Variants in CWF19L2 observed in about 807,000 individuals in gnomAD.
CWF19L2 encodes CWF19 like cell cycle control factor 2, also known as CWF19-like protein 2.
CWF19L2 carries 98 observed loss-of-function variants against 111.7 expected under a neutral mutation model. That is an observed-to-expected ratio of 0.88 (90% CI 0.75 to 1.04). The LOEUF is 1.04. CWF19L2 is among the 50% of genes least tolerant of loss of function. The probability of loss-of-function intolerance (pLI) is 0.00; values close to 1 mark genes in which losing one functional copy is unlikely to be tolerated. For synonymous variants in CWF19L2, 351 were observed against 342.9 expected, an observed-to-expected ratio of 1.02 and a Z score of -0.26; for missense variants, 1,101 against 1,051.4, an observed-to-expected ratio of 1.05 and a Z score of -0.65.
chr11:107,433,882 A>ATATT (rs1861501991), intron 6 of CWF19L2, 133 bp from the exon 7 acceptor site: 1 of 11,958 alleles, frequency 8.4e-5, no homozygotes, highest in Non-Finnish European at 1.5e-4. Flanking sequence ...TTGGAATTTT[A>ATATT]TATATATATA....
chr11:107,387,748 G>C (rs1456894169), intron 12 of CWF19L2, among the ~76,000 whole-genome samples: 6 of 152,166 alleles, frequency 3.9e-5, no homozygotes, highest in African/African-American at 1.2e-4. Flanking sequence ...TAGGGTTCAT[G>C]CTCCTATGAG....
intron 12 of CWF19L2, among the ~76,000 whole-genome samples, chr11:107,362,255 C>T (rs1179577655): frequency 6.6e-6 from 1 of 152,134 alleles, no homozygotes; most frequent in Admixed American, 6.5e-5. Flanking sequence ...GAAGGGGCGC[C>T]CGCCATTGCC....
chr11:107,363,415 C>T (rs1457096152), intron 12 of CWF19L2, among the ~76,000 whole-genome samples: 1 of 151,954 alleles, frequency 6.6e-6, no homozygotes. Context: ...TTAAGGGCAG[C>T]CAGAGAGAAA....
chr11:107,336,682 T>A lies in CWF19L2; in HGVS notation c.2234A>T (p.Glu745Val), dbSNP rs991047849. 27 of 1,529,470 alleles carry A rather than the reference T, an allele frequency of 1.8e-5. No individual in the cohort carries two copies. The highest frequency in any genetic ancestry group is 2.3e-5 in the Non-Finnish European group (26 of 1,128,458). 94.7% of individuals were successfully genotyped at this position (1,529,470 alleles called of 1,614,324 possible). Residue 745 changes from glutamate (E) to valine (V), a missense_variant, in exon 15 of 18, where the codon GAA becomes GTA. Coordinates refer to ENST00000282251, the MANE Select transcript of CWF19L2 (RefSeq NM_152434.3). ...AAAAATGCAGTCTAATCCTTTATCT[T>A]CAAACATCTTTACCAATGATTTTCT... ...MFRKSLVKMFEDKGLDCIFLE... is the reference protein window; with the variant it reads ...MFRKSLVKMFVDKGLDCIFLE...
rs1482124194 is a variant in CWF19L2, at chr11:107,442,862, G to A, written c.450+77C>T. On this transcript the variant is annotated intron_variant, in intron 4 of 17. Transcript: ENST00000282251. ...GGACAGAGAGGGAGGGAGGGATAGA[G>A]AGGGAAGGAGGGAGGGAGGGAGGAA... 4.1e-6 allele frequency: 3 copies of A among 726,638 alleles called. No individual in the cohort carries two copies. The African/African-American group carries it at 7.1e-5, about 17-fold the overall frequency. 45.0% of individuals were successfully genotyped at this position (726,638 alleles called of 1,614,324 possible).
chr11:107,451,597 G>A lies in CWF19L2; in HGVS notation c.339+2853C>T, dbSNP rs755998677. Among the ~76,000 whole-genome samples, 141 of 152,116 alleles carry A rather than the reference G, an allele frequency of 9.3e-4. 2 individuals are homozygous for A. Among genetic ancestry groups the A allele is most frequent in the Non-Finnish European group, 1.7e-3 (118 of 67,990 alleles). On this transcript the variant is annotated intron_variant, in intron 3 of 17. Coordinates refer to ENST00000282251, the MANE Select transcript of CWF19L2 (RefSeq NM_152434.3). ...AATAGAAATTACCAAAATCAGGGATGAAAGAGGGGTATCACTATGGATTCC... is the reference window on the plus strand; with the variant it reads ...AATAGAAATTACCAAAATCAGGGATAAAAGAGGGGTATCACTATGGATTCC...
chr11:107,381,006 T>C (rs1290596020), intron 12 of CWF19L2, among the ~76,000 whole-genome samples: 5 of 152,178 alleles, frequency 3.3e-5, no homozygotes, highest in Admixed American at 6.5e-5. Context: ...ATTAATTACC[T>C]AGAACAGGCA....
chr11:107,345,467 T>C (rs747736107), intron 14 of CWF19L2: 11 of 459,274 alleles, frequency 2.4e-5, no homozygotes, highest in South Asian at 1.1e-4. Context: ...GGCTTAATTA[T>C]TGGATGACTG....
chr11:107,392,949 T>C (rs911563873), intron 10 of CWF19L2, 54 bp from the exon 11 acceptor site: 1 of 1,121,570 alleles, frequency 8.9e-7, no homozygotes, highest in Admixed American at 2.7e-5. Context: ...ATGTTGAATG[T>C]TTTTATTTAA....
chr11:107,415,163 C>T (rs1273881421), intron 10 of CWF19L2, among the ~76,000 whole-genome samples: 2 of 152,302 alleles, frequency 1.3e-5, no homozygotes, highest in East Asian at 1.9e-4. Context: ...ACACCAGTCT[C>T]GTTGCTATTC....
intron 14 of CWF19L2, among the ~76,000 whole-genome samples, chr11:107,337,355 G>T (rs906719757): frequency 6.7e-6 from 1 of 149,016 alleles, no homozygotes; most frequent in African/African-American, 2.5e-5. Context: ...ATCAGTTGTG[G>T]AGGTGTGTGT....
At chr11:107,404,528 C>T in intron 10 of CWF19L2, 1 of 696,322 alleles carries the variant, frequency 1.4e-6, no homozygotes. Flanking sequence ...CCTTGGAGTG[C>T]TGGGCATTTG....
At chr11:107,402,014 T>G (rs483356) in intron 10 of CWF19L2, among the ~76,000 whole-genome samples, 51 of 152,220 alleles carry the variant, frequency 3.4e-4, no homozygotes, top group African/African-American at 1.2e-3. Flanking sequence ...GGTGCTGGGA[T>G]AGCTGGCTAG....
intron 10 of CWF19L2, among the ~76,000 whole-genome samples, chr11:107,413,147 G>T (rs117625559): frequency 0.013 from 1,963 of 152,206 alleles, 24 homozygotes; most frequent in South Asian, 0.037. Flanking sequence ...GTGTGTCAAC[G>T]CAGGTTCATC....
chr11:107,336,720 A>G lies in CWF19L2; in HGVS notation c.2203-7T>C. 1 of 1,397,560 alleles carries G rather than the reference A, an allele frequency of 7.2e-7. No homozygotes were observed. The highest frequency in any genetic ancestry group is 1.4e-5 in the South Asian group (1 of 72,792). The allele number at this position is 1,397,560 out of a possible 1,614,324, so 86.6% of individuals were successfully genotyped here. ...CCAATGATTTTCTGAACATCTAAAA[A>G]AAAAAAAGAACTAGGTAAAGAAAAC... On this transcript the variant is annotated splice_region_variant and splice_polypyrimidine_tract_variant and intron_variant, in intron 14 of 17. Coordinates refer to ENST00000282251, the MANE Select transcript of CWF19L2 (RefSeq NM_152434.3).
rs1202780322 is a variant in CWF19L2, at chr11:107,372,273, G to A, written c.1872+17801C>T. ...TGAGATGCTAACAGAGGGAGTAAAC[G>A]AGTCAGAGGTAAAGGCTTCCCTGAA... On this transcript the variant is annotated intron_variant, in intron 12 of 17. Transcript: ENST00000282251. Among the ~76,000 whole-genome samples the A allele has an allele frequency of 3.7e-5, 5 of 135,572 alleles. 2 individuals are homozygous for A. Among genetic ancestry groups the A allele is most frequent in the Admixed American group, 7.3e-5 (1 of 13,752 alleles). The allele number at this position is 135,572 out of a possible 152,430, so 88.9% of individuals were successfully genotyped here. A position where few individuals can be genotyped will look rare whatever the true frequency, so the allele number is the denominator to read the frequency against.
intron 10 of CWF19L2, among the ~76,000 whole-genome samples, chr11:107,405,264 G>A (rs967358757): frequency 2.0e-5 from 3 of 152,178 alleles, no homozygotes; most frequent in Admixed American, 2.0e-4. Flanking sequence ...CAGTTGAATA[G>A]TTGTGGCACA....
chr11:107,456,865 G>T (rs909159130), intron 1 of CWF19L2, among the ~76,000 whole-genome samples: 1 of 152,112 alleles, frequency 6.6e-6, no homozygotes, highest in Non-Finnish European at 1.5e-5. Context: ...GGAGAATGGG[G>T]CTGCTTCACC....
intron 12 of CWF19L2, among the ~76,000 whole-genome samples, chr11:107,359,877 G>C (rs901369240): frequency 2.6e-5 from 4 of 152,198 alleles, no homozygotes; most frequent in Non-Finnish European, 5.9e-5. Flanking sequence ...TGAATGAAAA[G>C]GCATTGTATT....
Sources: allele counts gnomAD v4.1 joint callset (sites outside exome capture counted in the v4.1 genomes callset), GRCh38; gene constraint gnomAD v4.1.1; transcripts MANE v1.5; gene names NCBI Gene and HGNC (gene_info 2026-07-23, HGNC 2026-07-21).